GHR: variants seen among roughly 807,000 people sequenced by gnomAD.
GHR encodes the protein growth hormone receptor.
Under a neutral mutation model 67.1 loss-of-function variants are expected in GHR, and 35 were observed. That is an observed-to-expected ratio of 0.52 (90% CI 0.40 to 0.69). The LOEUF (loss-of-function observed/expected upper bound fraction) is 0.69. Ranked by LOEUF, GHR falls within the 30% of genes least tolerant of loss-of-function variation. GHR has a pLI of 0.00. For synonymous variants in GHR, 272 were observed against 269.1 expected (o/e 1.01, Z -0.10); for missense variants, 792 against 764.6 (o/e 1.04, Z -0.42).
At chr5:42,536,784 C>T (rs896005979) in intron 1 of GHR, among the ~76,000 whole-genome samples, 2 of 152,050 alleles carry the variant, frequency 1.3e-5, no homozygotes, top group Non-Finnish European at 2.9e-5. Context: ...GCTGTGAATC[C>T]ATCTGGTCCT....
chr5:42,565,728 G>A, intron 1 of GHR, 136 bp from the exon 2 acceptor site: 1 of 1,559,354 alleles, frequency 6.4e-7, no homozygotes, highest in South Asian at 1.2e-5. Flanking sequence ...CTCTGGGGCA[G>A]TGAAAGACTT....
intron 1 of GHR, among the ~76,000 whole-genome samples, chr5:42,459,487 G>C (rs1744397282): frequency 6.6e-6 from 1 of 152,144 alleles, no homozygotes; most frequent in Non-Finnish European, 1.5e-5. Flanking sequence ...ACAAAGAAGA[G>C]AGCAACAGAC....
At chr5:42,717,872 A>G (rs1276672005) in intron 8 of GHR, among the ~76,000 whole-genome samples, 180 bp from the exon 9 acceptor site, 1 of 150,400 alleles carries the variant, frequency 6.6e-6, no homozygotes, top group Non-Finnish European at 1.5e-5. Context: ...TTCCTTCTAC[A>G]GTTTTTCTTT....
rs182637002 is a variant in GHR at position 42,546,753 on chromosome 5, G to A, written c.-11-19111G>A. 7.4e-4 allele frequency among the ~76,000 whole-genome samples: 113 copies of A among 152,266 alleles called. 1 individual carries two copies. The highest frequency in any genetic ancestry group is 6.8e-3 in the Middle Eastern group (2 of 294). On this transcript the variant is annotated intron_variant, in intron 1 of 9. Coordinates refer to ENST00000230882, the MANE Select transcript of GHR (RefSeq NM_000163.5). Reference sequence around the variant, plus strand: ...AGAGAGAGAGACTGAAAGAGAAAGTGAGATAAATGGATTGGAGAGAATTTG... The same window carrying A: ...AGAGAGAGAGACTGAAAGAGAAAGTAAGATAAATGGATTGGAGAGAATTTG...
chr5:42,545,756 C>G (rs1421355191), intron 1 of GHR, among the ~76,000 whole-genome samples: 1 of 152,152 alleles, frequency 6.6e-6, no homozygotes, highest in Admixed American at 6.5e-5. Context: ...AAGATATAGT[C>G]CAGGCTCCTT....
chr5:42,465,612 A>C (rs1744691673), intron 1 of GHR: 4 of 1,077,708 alleles, frequency 3.7e-6, no homozygotes, highest in Non-Finnish European at 5.7e-6. Context: ...TATTTGGGGG[A>C]CTCTGTTAAT....
chr5:42,680,595 C>T (rs1051053201), intron 3 of GHR, among the ~76,000 whole-genome samples: 2 of 152,000 alleles, frequency 1.3e-5, no homozygotes, highest in African/African-American at 4.8e-5. Flanking sequence ...CTTCCGACTC[C>T]CAGGTTCAAG....
chr5:42,512,615 C>G (rs1385549460), intron 1 of GHR, among the ~76,000 whole-genome samples: 1 of 152,116 alleles, frequency 6.6e-6, no homozygotes, highest in South Asian at 2.1e-4. Flanking sequence ...TATACATAGA[C>G]AACCTACTTG....
intron 3 of GHR, among the ~76,000 whole-genome samples, chr5:42,655,563 A>G (rs934383360): frequency 6.6e-6 from 1 of 152,152 alleles, no homozygotes. Flanking sequence ...TTTGTATTCT[A>G]CATCCCATTA....
At chr5:42,430,523 C>A (rs1409419763) in intron 1 of GHR, among the ~76,000 whole-genome samples, 1 of 151,892 alleles carries the variant, frequency 6.6e-6, no homozygotes, top group Non-Finnish European at 1.5e-5. Context: ...CTGAGCCTAC[C>A]AAAAGCCCTT....
At chr5:42,644,673 T>C (rs1311995480) in intron 3 of GHR, among the ~76,000 whole-genome samples, 1 of 152,002 alleles carries the variant, frequency 6.6e-6, no homozygotes, top group Non-Finnish European at 1.5e-5. Flanking sequence ...AGTTTTTAGC[T>C]TTTAGAGATA....
chr5:42,539,776 T>C (rs986985709), intron 1 of GHR, among the ~76,000 whole-genome samples: 1 of 152,310 alleles, frequency 6.6e-6, no homozygotes, highest in Non-Finnish European at 1.5e-5. Flanking sequence ...ACTTTCTTTT[T>C]CTTCTGTTGT....
rs931178397 is a variant in GHR at position 42,565,776 on chromosome 5, C to T, written c.-11-88C>T. On this transcript the variant is annotated intron_variant, in intron 1 of 9. Transcript: ENST00000230882. ...TCTGGAACTGACTCGTCAGCTCATT[C>T]ATGTCTTACCCAGTCTTTAAACAGT... 1.1e-5 allele frequency: 17 copies of T among 1,609,492 alleles called. No individual in the cohort carries two copies. The South Asian group carries it at 1.7e-4, about 16-fold the overall frequency.
At chr5:42,433,366 A>T (rs548032632) in intron 1 of GHR, among the ~76,000 whole-genome samples, 185 of 152,154 alleles carry the variant, frequency 1.2e-3, no homozygotes, top group African/African-American at 4.3e-3. Flanking sequence ...GTTTTTTTTT[A>T]AATTAGCCTA....
Position 42,718,496 on chromosome 5 carries a change from A to T in GHR, c.989A>T (p.Asp330Val), listed in dbSNP as rs775801689. Reference sequence around the variant, plus strand: ...GTGAACACAATCTTAGCCATTCATGATAGCTATAAACCCGAATTCCACAGT... The same window carrying T: ...GTGAACACAATCTTAGCCATTCATGTTAGCTATAAACCCGAATTCCACAGT... The part of the protein sequence containing the change: ...EEVNTILAIH[D>V]SYKPEFHSDD... Residue 330 changes from aspartate (D) to valine (V), a missense_variant, in exon 10 of 10, where the codon GAT (aspartate) becomes GTT (valine). Transcript: ENST00000230882. The T allele has an allele frequency of 1.2e-4, 186 of 1,612,222 alleles. No individual in the cohort carries two copies. The highest frequency in any genetic ancestry group is 1.5e-4 in the Non-Finnish European group (182 of 1,178,380).
At chr5:42,662,180 A>G (rs535434465) in intron 3 of GHR, among the ~76,000 whole-genome samples, 2 of 152,330 alleles carry the variant, frequency 1.3e-5, no homozygotes, top group East Asian at 3.9e-4. Flanking sequence ...CCCACTGTCA[A>G]CATTAGACAG....
intron 1 of GHR, among the ~76,000 whole-genome samples, chr5:42,444,900 G>A (rs974975028): frequency 9.9e-5 from 15 of 152,006 alleles, no homozygotes; most frequent in East Asian, 1.9e-4. Context: ...ATTAAGACTC[G>A]CGATTTCTCT....
At chr5:42,673,631 T>A (rs1049166041) in intron 3 of GHR, among the ~76,000 whole-genome samples, 1 of 152,220 alleles carries the variant, frequency 6.6e-6, no homozygotes, top group Non-Finnish European at 1.5e-5. Flanking sequence ...GCAACATGGA[T>A]GCAGCTGGAG....
chr5:42,435,146 C>T (rs1743269143), intron 1 of GHR, among the ~76,000 whole-genome samples: 1 of 152,142 alleles, frequency 6.6e-6, no homozygotes, highest in African/African-American at 2.4e-5. Flanking sequence ...CTCTTGATAA[C>T]AGTCGCTATT....
Sources: gnomAD v4.1 joint callset for allele counts (sites outside exome capture counted in the v4.1 genomes callset) on GRCh38, gnomAD v4.1.1 for gene constraint, MANE v1.5 for transcripts, NCBI Gene and HGNC (gene_info 2026-07-23, HGNC 2026-07-21) for gene names.